Variants in RALGAPA1 observed in about 807,000 individuals in gnomAD.
RALGAPA1 encodes the protein Ral GTPase activating protein catalytic subunit alpha 1.
A neutral mutation model predicts 269.6 loss-of-function variants in RALGAPA1; 52 were observed. That is an observed-to-expected ratio of 0.19 (90% CI 0.15 to 0.24). The LOEUF (loss-of-function observed/expected upper bound fraction) is 0.24. Among genes scored for constraint, RALGAPA1 ranks in the 10% least tolerant of loss-of-function variants. The pLI, the probability that RALGAPA1 is intolerant of heterozygous loss-of-function variation, is 1.00. For synonymous variants in RALGAPA1, 817 were observed against 1,008.3 expected (o/e 0.81, Z 3.60); for missense variants, 1,917 against 3,013.9 (o/e 0.64, Z 8.52).
At chr14:35,764,459 A>C (rs1264550122) in intron 4 of RALGAPA1, among the ~76,000 whole-genome samples, 1 of 152,126 alleles carries the variant, frequency 6.6e-6, no homozygotes, top group Admixed American at 6.6e-5. Flanking sequence ...TGAATTGAAA[A>C]TACATTATCC....
chr14:35,686,546 G>A lies in RALGAPA1; in HGVS notation c.4073C>T (p.Ala1358Val), dbSNP rs773120857. The A allele has an allele frequency of 5.0e-6, 8 of 1,599,022 alleles. No individual in the cohort carries two copies. Among genetic ancestry groups the A allele is most frequent in the Middle Eastern group, 2.3e-4 (1 of 4,438 alleles). The stretch of plus-strand genomic sequence containing the variant: ...AATATATAAAATAAAACTTACCGAG[G>A]CATTACCACTTCGAAGTCGTTCTGC... ...FIAERLRSGNASTMTRRGSSP... is the reference protein window; with the variant it reads ...FIAERLRSGNVSTMTRRGSSP... Residue 1358 changes from alanine to valine, a missense_variant, in exon 19 of 42, where the codon GCC becomes GTC. This residue lies in a region of RALGAPA1 where 615 missense variants were observed against 790.0 expected (regional missense o/e 0.78). Coordinates refer to ENST00000680220, the MANE Select transcript of RALGAPA1 (RefSeq NM_001346249.2).
At chr14:35,803,841 C>A (rs1394040344) in intron 1 of RALGAPA1, among the ~76,000 whole-genome samples, 1 of 151,112 alleles carries the variant, frequency 6.6e-6, no homozygotes, top group Non-Finnish European at 1.5e-5. Flanking sequence ...CCAGGCTGGT[C>A]TCGAACTCCT....
At chr14:35,771,220 C>G (rs1053987319) in intron 3 of RALGAPA1, among the ~76,000 whole-genome samples, 18 of 151,954 alleles carry the variant, frequency 1.2e-4, no homozygotes, top group Non-Finnish European at 1.8e-4. Flanking sequence ...ATGGTGAAAC[C>G]CTGTCTCTAC....
At chr14:35,758,662 C>A (rs549009536) in intron 6 of RALGAPA1, among the ~76,000 whole-genome samples, 1 of 151,982 alleles carries the variant, frequency 6.6e-6, no homozygotes, top group Non-Finnish European at 1.5e-5. Flanking sequence ...TTGTTTGAGC[C>A]CAAGAGTTCA....
chr14:35,553,740 A>G (rs1358798468), intron 39 of RALGAPA1, among the ~76,000 whole-genome samples: 3 of 152,320 alleles, frequency 2.0e-5, no homozygotes, highest in Non-Finnish European at 4.4e-5. Context: ...TACAACTTGT[A>G]AGCAGATATC....
rs143263955 is a variant in RALGAPA1, at chr14:35,788,226, C to T, written c.107-12481G>A. 1.4e-3 allele frequency among the ~76,000 whole-genome samples: 212 copies of T among 152,224 alleles called. 3 individuals carry two copies. The East Asian group carries it at 0.038, about 27-fold the overall frequency. ...GACCTCGTGATTTACCCACCTCGGCCTCCCAAAGTGCTAGGATTACAAGCT... is the reference window on the plus strand; with the variant it reads ...GACCTCGTGATTTACCCACCTCGGCTTCCCAAAGTGCTAGGATTACAAGCT... On this transcript the variant is annotated intron_variant, in intron 1 of 41. Transcript: ENST00000680220.
Position 35,750,501 on chromosome 14 carries a change from A to T in RALGAPA1, c.992T>A (p.Val331Asp), listed in dbSNP as rs756651393. Residue 331 changes from valine to aspartate, a missense_variant, in exon 9 of 42, where the codon GTC (valine) becomes GAC (aspartate). Val to Asp is a radical substitution (Grantham distance 152). Around this residue, in one of 11 missense-constraint regions of RALGAPA1, gnomAD observed 462 missense variants for 725.6 expected, o/e 0.64. Coordinates refer to ENST00000680220, the MANE Select transcript of RALGAPA1 (RefSeq NM_001346249.2). ...GPHIPGMEGE[V>D]LPKNIQRAAA... ...CATTACCTGAATATTCTTTGGCAAG[A>T]CTTCACCTTCCATCCCAGGAATATG... 29 of 1,612,688 alleles carry T rather than the reference A, an allele frequency of 1.8e-5. No individual in the cohort carries two copies. The highest frequency in any genetic ancestry group is 1.8e-5 in the Non-Finnish European group (21 of 1,179,262).
chr14:35,538,549 C>T lies in RALGAPA1; in HGVS notation c.*1165G>A, dbSNP rs11555878. ...TTCCTCAGGAGATGCCCATTCAAAA[C>T]AAAATGTGAGCAGCTTATCTACTGT... is the stretch of plus-strand genomic sequence containing the variant. On this transcript the variant is annotated 3_prime_UTR_variant, in exon 42 of 42. Transcript: ENST00000680220. The T allele has an allele frequency of 6.6e-6, 1 of 152,540 alleles. No individual in the cohort carries two copies. Among genetic ancestry groups the T allele is most frequent in the East Asian group, 1.9e-4 (1 of 5,190 alleles). The allele number at this position is 152,540 out of a possible 1,614,324, so 9.4% of individuals were successfully genotyped here.
chr14:35,718,966 A>C (rs1262245798), intron 16 of RALGAPA1, among the ~76,000 whole-genome samples: 1 of 151,970 alleles, frequency 6.6e-6, no homozygotes, highest in Non-Finnish European at 1.5e-5. Context: ...CAGTCCTCCA[A>C]GTAGCTGGCA....
At chr14:35,668,464 CA>C (rs1022853083) in intron 26 of RALGAPA1, among the ~76,000 whole-genome samples, 1 of 150,186 alleles carries the variant, frequency 6.7e-6, no homozygotes, top group Admixed American at 6.6e-5. Flanking sequence ...GTCCGAGTGA[CA>C]GAGACAGATT....
At chr14:35,645,720 A>G (rs1454117518) in intron 31 of RALGAPA1, among the ~76,000 whole-genome samples, 1 of 137,326 alleles carries the variant, frequency 7.3e-6, no homozygotes, top group Non-Finnish European at 1.5e-5. Flanking sequence ...ACAGAGCGAG[A>G]CTCCATCTCC....
intron 1 of RALGAPA1, among the ~76,000 whole-genome samples, chr14:35,791,308 CCTTAA>C (rs1315126839): frequency 6.6e-6 from 1 of 152,124 alleles, no homozygotes; most frequent in South Asian, 2.1e-4. Context: ...ATGTCTTTCA[CCTTAA>C]CTTAACGTGC....
chr14:35,671,887 T>C (rs1377668391), intron 25 of RALGAPA1, among the ~76,000 whole-genome samples: 1 of 152,232 alleles, frequency 6.6e-6, no homozygotes, highest in Non-Finnish European at 1.5e-5. Flanking sequence ...CTCTCATTTC[T>C]GAATCCACAT....
intron 1 of RALGAPA1, among the ~76,000 whole-genome samples, chr14:35,798,209 T>C (rs560154164): frequency 2.6e-5 from 4 of 151,044 alleles, no homozygotes; most frequent in African/African-American, 9.7e-5. Flanking sequence ...TCTTGGACTG[T>C]CGCCCAGGCT....
intron 7 of RALGAPA1, among the ~76,000 whole-genome samples, chr14:35,753,807 C>T (rs183201786): frequency 6.0e-4 from 92 of 152,182 alleles, no homozygotes; most frequent in Admixed American, 1.6e-3. Flanking sequence ...CTGAACTGTA[C>T]GTTTTAAGTG....
chr14:35,629,661 C>T (rs538532430), intron 33 of RALGAPA1, among the ~76,000 whole-genome samples: 16 of 152,210 alleles, frequency 1.1e-4, no homozygotes, highest in Admixed American at 6.5e-4. Context: ...CGCACCGCCA[C>T]GCCCAGCTAT....
At chr14:35,605,731 C>T in intron 35 of RALGAPA1, 22 bp from the exon 36 acceptor site, 1 of 1,598,904 alleles carries the variant, frequency 6.3e-7, no homozygotes, top group Non-Finnish European at 8.5e-7. Context: ...AAGATTACAC[C>T]ATTAATTTAA....
At chr14:35,630,865 C>G (rs1471997363) in intron 33 of RALGAPA1, among the ~76,000 whole-genome samples, 1 of 151,756 alleles carries the variant, frequency 6.6e-6, no homozygotes, top group African/African-American at 2.4e-5. Flanking sequence ...GAGTGAGGCT[C>G]TGTCTTAAAA....
At chr14:35,655,141 T>C (rs2063096597) in intron 29 of RALGAPA1, among the ~76,000 whole-genome samples, 1 of 152,204 alleles carries the variant, frequency 6.6e-6, no homozygotes, top group Admixed American at 6.6e-5. Context: ...TTTTTTCCTA[T>C]TGTTATCCCT....
Sources: gnomAD v4.1 joint callset for allele counts (sites outside exome capture counted in the v4.1 genomes callset) on GRCh38, gnomAD v4.1.1 for gene constraint, gnomAD v4.1.1 regional missense constraint, MANE v1.5 for transcripts, NCBI Gene and HGNC (gene_info 2026-07-23, HGNC 2026-07-21) for gene names.